ABHD18: variants seen among roughly 807,000 people sequenced by gnomAD.
The protein encoded by ABHD18 is cardiolipin-specific deacylase, mitochondrial.
A neutral mutation model predicts 65.9 loss-of-function variants in ABHD18; 55 were observed. The ratio of observed to expected loss-of-function variants is 0.84; its 90% CI spans 0.67 to 1.05. The LOEUF (loss-of-function observed/expected upper bound fraction) is 1.05, where lower values mean the gene tolerates loss of function less well. Among genes scored for constraint, ABHD18 ranks in the 50% least tolerant of loss-of-function variants. The pLI is 0.00. For missense variants in ABHD18, 533 were observed against 558.5 expected, an observed-to-expected ratio of 0.95 and a Z score of 0.46; for synonymous variants, 181 against 180.2, an observed-to-expected ratio of 1.00 and a Z score of -0.04.
At chr4:128,009,038 G>A (rs553379780) in intron 5 of ABHD18, 40 bp downstream of exon 5, 1 of 1,588,644 alleles carries the variant, frequency 6.3e-7, no homozygotes, top group Non-Finnish European at 8.6e-7. Flanking sequence ...TAGATAATTT[G>A]TTAACATATT....
At position 128,021,171 on chromosome 4, in the gene ABHD18, T is replaced by C. The variant is rs556297392; in HGVS notation, c.734T>C (p.Leu245Pro). 2.6e-6 allele frequency: 4 copies of C among 1,548,622 alleles called. No homozygotes were observed. The Admixed American group carries it at 7.8e-5, about 30-fold the overall frequency. ...AGTAAATCAATTAATTGGAGGGAGC[T>C]GGAAAAGCAATATTATACCCAGACA... is the stretch of plus-strand genomic sequence containing the variant. ...VLSKSINWRELEKQYYTQTVY... is the reference protein window; with the variant it reads ...VLSKSINWREPEKQYYTQTVY... The change falls in exon 10 of 13, where the codon CTG (leucine) becomes CCG (proline). Residue 245 changes from leucine (L) to proline (P), a missense_variant. Transcript: ENST00000645843.
chr4:128,001,934 A>G (rs1752710141), intron 4 of ABHD18, among the ~76,000 whole-genome samples: 1 of 150,580 alleles, frequency 6.6e-6, no homozygotes, highest in Admixed American at 6.6e-5. Context: ...TATTTTTGCA[A>G]TTTTTTTCTC....
chr4:128,010,829 C>T (rs1032760608), intron 6 of ABHD18, among the ~76,000 whole-genome samples: 1 of 151,460 alleles, frequency 6.6e-6, no homozygotes, highest in Non-Finnish European at 1.5e-5. Context: ...GCAGGAGAAT[C>T]CCTTGAACCC....
chr4:128,026,615 T>C (rs1296587888), intron 10 of ABHD18, among the ~76,000 whole-genome samples: 3 of 152,168 alleles, frequency 2.0e-5, no homozygotes, highest in African/African-American at 7.2e-5. Flanking sequence ...GAGTTGCAAA[T>C]ATATTTTCCC....
At chr4:127,987,301 G>A (rs757454398) in intron 3 of ABHD18, among the ~76,000 whole-genome samples, 1 of 152,046 alleles carries the variant, frequency 6.6e-6, no homozygotes, top group Admixed American at 6.6e-5. Context: ...GCAGTGAGCC[G>A]AGATCATGCC....
chr4:127,980,264 T>G (rs1404069383), intron 1 of ABHD18, among the ~76,000 whole-genome samples: 1 of 152,190 alleles, frequency 6.6e-6, no homozygotes, highest in Non-Finnish European at 1.5e-5. Context: ...TATTGCTCTC[T>G]TATGTGATAC....
intron 10 of ABHD18, among the ~76,000 whole-genome samples, chr4:128,022,769 C>CTTTTTT (rs1234304858): frequency 1.7e-4 from 22 of 130,942 alleles, no homozygotes; most frequent in South Asian, 2.5e-4. Context: ...CGATCCTTTT[C>CTTTTTT]TTTTTTTTTT....
intron 10 of ABHD18, among the ~76,000 whole-genome samples, chr4:128,028,201 T>C (rs1757657489): frequency 6.6e-6 from 1 of 152,186 alleles, no homozygotes; most frequent in Non-Finnish European, 1.5e-5. Flanking sequence ...TTTACTACTA[T>C]AGGGACCTCA....
chr4:127,996,602 C>T (rs565236147), intron 4 of ABHD18, among the ~76,000 whole-genome samples: 8 of 152,232 alleles, frequency 5.3e-5, no homozygotes, highest in East Asian at 3.9e-4. Flanking sequence ...AAACAGGGTT[C>T]GAGAGCAGAG....
chr4:127,990,679 A>G (rs537483096), intron 4 of ABHD18, among the ~76,000 whole-genome samples: 9 of 152,294 alleles, frequency 5.9e-5, no homozygotes, highest in Admixed American at 2.0e-4. Flanking sequence ...CTTAGACTAG[A>G]CAGACTACAC....
intron 1 of ABHD18, among the ~76,000 whole-genome samples, chr4:127,980,188 GTAT>G (rs1187519665): frequency 1.3e-5 from 2 of 152,154 alleles, no homozygotes; most frequent in Non-Finnish European, 2.9e-5. Context: ...TGGATTAATG[GTAT>G]TATTTTGGAA....
At chr4:128,017,841 C>T (rs1326477233) in intron 8 of ABHD18, among the ~76,000 whole-genome samples, 2 of 152,162 alleles carry the variant, frequency 1.3e-5, no homozygotes, top group African/African-American at 4.8e-5. Flanking sequence ...ATCTGTCTCC[C>T]TAGTACCACT....
chr4:128,035,669 A>T, intron 12 of ABHD18, 93 bp from the exon 13 acceptor site: 2 of 697,060 alleles, frequency 2.9e-6, no homozygotes, highest in Non-Finnish European at 4.9e-6. Context: ...GTTGCAAGCC[A>T]CAGATAAATT....
intron 3 of ABHD18, among the ~76,000 whole-genome samples, chr4:127,985,173 A>G (rs555581568): frequency 6.6e-6 from 1 of 152,306 alleles, no homozygotes; most frequent in Non-Finnish European, 1.5e-5. Context: ...TCCTGAGAGA[A>G]TGGTAGAAAG....
At position 127,979,534 on chromosome 4, in the gene ABHD18, G is replaced by A. The variant is rs545270181; in HGVS notation, c.-17-3405G>A. On this transcript the variant is annotated intron_variant, in intron 1 of 12. Transcript: ENST00000645843. ...TGCGCCACTGCACTCTAGCGTGGGCGACAATGCGAGACTCTGTCTCAAAAC... is the reference window on the plus strand; with the variant it reads ...TGCGCCACTGCACTCTAGCGTGGGCAACAATGCGAGACTCTGTCTCAAAAC... Among the ~76,000 whole-genome samples, 6 of 152,190 alleles carry A rather than the reference G, an allele frequency of 3.9e-5. No homozygotes were observed. In the East Asian group the frequency reaches 7.8e-4, roughly 20 times the overall value.
intron 4 of ABHD18, among the ~76,000 whole-genome samples, chr4:128,008,429 G>A (rs186859988): frequency 6.6e-6 from 1 of 151,402 alleles, no homozygotes; most frequent in African/African-American, 2.4e-5. Flanking sequence ...GTGCCACCAT[G>A]CCCGGCTAAT....
chr4:128,006,841 T>A (rs1188578612), intron 4 of ABHD18, among the ~76,000 whole-genome samples: 1 of 152,166 alleles, frequency 6.6e-6, no homozygotes, highest in Non-Finnish European at 1.5e-5. Context: ...TCACAGTTAT[T>A]TGGGAGGCCA....
chr4:128,033,302 C>T (rs984208561), intron 12 of ABHD18, among the ~76,000 whole-genome samples: 1 of 152,106 alleles, frequency 6.6e-6, no homozygotes, highest in African/African-American at 2.4e-5. Flanking sequence ...CTCTTTACTT[C>T]TTCCCTATTG....
At chr4:127,972,185 G>A (rs572795857) in intron 1 of ABHD18, among the ~76,000 whole-genome samples, 1 of 152,306 alleles carries the variant, frequency 6.6e-6, no homozygotes, top group African/African-American at 2.4e-5. Context: ...TCTTCCTATG[G>A]ACTCAGGGAG....
Sources: allele counts gnomAD v4.1 joint callset (sites outside exome capture counted in the v4.1 genomes callset), GRCh38; gene constraint gnomAD v4.1.1; transcripts MANE v1.5; gene names NCBI Gene and HGNC (gene_info 2026-07-23, HGNC 2026-07-21).